The following CACNA1B variants were observed in gnomAD, a reference collection of about 807,000 sequenced individuals.
CACNA1B encodes voltage-dependent N-type calcium channel subunit alpha-1B.
In CACNA1B, 70 loss-of-function variants were observed where a neutral mutation model predicts 247.2. The observed-to-expected ratio is 0.28, with a 90% CI of 0.23 to 0.35. CACNA1B has a LOEUF of 0.35. CACNA1B is among the 10% of genes least tolerant of loss of function. CACNA1B has a pLI of 1.00. For missense variants in CACNA1B, 2,367 were observed against 3,197.4 expected, an observed-to-expected ratio of 0.74 and a Z score of 6.26; for synonymous variants, 1,231 against 1,294.4, an observed-to-expected ratio of 0.95 and a Z score of 1.05.
chr9:137,964,454 G>GCT (rs1958053431), intron 10 of CACNA1B, among the ~76,000 whole-genome samples: 1 of 152,044 alleles, frequency 6.6e-6, no homozygotes, highest in Admixed American at 6.6e-5. Flanking sequence ...TTCCAGCTCT[G>GCT]AGATTCTTTC....
rs751233267 is a variant in CACNA1B at position 138,120,277 on chromosome 9, C to T, written c.6143C>T (p.Ser2048Leu). 9.5e-6 allele frequency: 15 copies of T among 1,584,504 alleles called. No individual in the cohort carries two copies. The highest frequency in any genetic ancestry group is 2.3e-5 in the East Asian group (1 of 42,970). The change falls in exon 45 of 47, where the codon TCG becomes TTG. Residue 2048 changes from serine (S) to leucine (L), a missense_variant. By Grantham distance (145) the Ser-to-Leu change is moderately radical. Around this residue, in one of 12 missense-constraint regions of CACNA1B, gnomAD observed 773 missense variants for 779.4 expected, o/e 0.99. Transcript: ENST00000371372. ...TPDRPPPSQASSHHHHHRCHR... is the reference protein window; with the variant it reads ...TPDRPPPSQALSHHHHHRCHR... The stretch of plus-strand genomic sequence containing the variant: ...GACCGCCCACCCCCTAGCCAGGCGT[C>T]GTCGCACCACCACCACCACCGCTGC...
intron 10 of CACNA1B, among the ~76,000 whole-genome samples, chr9:137,970,220 G>A (rs748332544): frequency 3.9e-5 from 6 of 152,256 alleles, no homozygotes; most frequent in Non-Finnish European, 8.8e-5. Flanking sequence ...CCATGCTCAA[G>A]CCCAGGTATT....
At chr9:137,893,372 T>C (rs78729875) in intron 3 of CACNA1B, among the ~76,000 whole-genome samples, 1,963 of 142,294 alleles carry the variant, frequency 0.014, 29 homozygotes, top group African/African-American at 0.032. Context: ...AAAAAAACAC[T>C]GGGTGCGGTG....
At chr9:138,037,734 A>G (rs924146537) in intron 20 of CACNA1B, among the ~76,000 whole-genome samples, 3 of 151,972 alleles carry the variant, frequency 2.0e-5, no homozygotes, top group African/African-American at 4.8e-5. Flanking sequence ...GTGGTGGTGT[A>G]CACTTCCTGC....
intron 18 of CACNA1B, among the ~76,000 whole-genome samples, chr9:138,016,805 G>A (rs1351499708): frequency 1.3e-5 from 2 of 152,212 alleles, no homozygotes; most frequent in African/African-American, 4.8e-5. Flanking sequence ...CAGGAAAATC[G>A]GTGTTGGGTC....
At chr9:137,941,685 AAATAAACCCAAATACTTACAGC>A (rs1022660837) in intron 6 of CACNA1B, among the ~76,000 whole-genome samples, 5 of 152,178 alleles carry the variant, frequency 3.3e-5, no homozygotes, top group Non-Finnish European at 7.3e-5. Context: ...GAGAACCCAG[AAATAAACCCAAATACTTACAGC>A]AAGCAAAAAG....
chr9:137,917,530 C>A lies in CACNA1B; in HGVS notation c.966+99C>A. ...TAGGGGGGCCCTTCTGACCTCAGAGCCTCTGCCCAGCCCTAGGCTCCTCCC... is the reference window on the plus strand; with the variant it reads ...TAGGGGGGCCCTTCTGACCTCAGAGACTCTGCCCAGCCCTAGGCTCCTCCC... On this transcript the variant is annotated intron_variant, in intron 6 of 46. Coordinates refer to ENST00000371372, the MANE Select transcript of CACNA1B (RefSeq NM_000718.4). The surrounding 1 kb of genome is among the most constrained non-coding windows in gnomAD (Gnocchi z 5.5). 1 of 1,053,576 alleles carries A rather than the reference C, an allele frequency of 9.5e-7. No individual in the cohort carries two copies. Among genetic ancestry groups the A allele is most frequent in the Non-Finnish European group, 1.4e-6 (1 of 709,868 alleles). 65.3% of individuals were successfully genotyped at this position (1,053,576 alleles called of 1,614,324 possible).
Position 137,986,909 on chromosome 9 carries a change from T to A in CACNA1B, c.1974+55T>A. ...CTGCCCGGCTCCCGTCTCCCCTGGG[T>A]GCTGGGAAGGCGGACTCTCCTGTCA... On this transcript the variant is annotated intron_variant, in intron 15 of 46. Coordinates refer to ENST00000371372, the MANE Select transcript of CACNA1B (RefSeq NM_000718.4). This position sits in a 1 kb window ranked among gnomAD's most constrained non-coding sequence, Gnocchi z 6.0. The A allele has an allele frequency of 7.5e-7, 1 of 1,336,414 alleles. No homozygotes were observed. The highest frequency in any genetic ancestry group is 1.1e-6 in the Non-Finnish European group (1 of 928,746). The allele number at this position is 1,336,414 out of a possible 1,614,324, so 82.8% of individuals were successfully genotyped here. A position where few individuals can be genotyped will look rare whatever the true frequency, so the allele number is the denominator to read the frequency against.
chr9:137,921,942 G>A (rs1293219666), intron 6 of CACNA1B, among the ~76,000 whole-genome samples: 18 of 138,880 alleles, frequency 1.3e-4, no homozygotes, highest in Middle Eastern at 9.8e-3. Context: ...CACCACGACC[G>A]CACAGCATCC....
chr9:138,046,589 A>G (rs1015335985), intron 21 of CACNA1B, among the ~76,000 whole-genome samples: 6 of 152,128 alleles, frequency 3.9e-5, no homozygotes, highest in African/African-American at 1.2e-4. Flanking sequence ...ATGTAGCTGT[A>G]CTCCAGTGAA....
chr9:138,017,922 T>C (rs995991527), intron 18 of CACNA1B, among the ~76,000 whole-genome samples: 1 of 121,612 alleles, frequency 8.2e-6, no homozygotes, highest in African/African-American at 3.9e-5. Flanking sequence ...CCACCTGCCC[T>C]GATGGAAGTG....
chr9:137,949,001 GTGTA>G (rs1378213627), intron 6 of CACNA1B, among the ~76,000 whole-genome samples: 1 of 144,612 alleles, frequency 6.9e-6, no homozygotes, highest in African/African-American at 2.6e-5. Context: ...TGTTTGGTGT[GTGTA>G]TGTGTGTTTT....
In CACNA1B at chr9:138,002,053, A is replaced by G. The variant is rs116800214; in HGVS notation, c.1975-4714A>G. Reference sequence around the variant, plus strand: ...TCTTGGAATTCAGCATATTGATTATATGGAAGAGTAAAAGTCCAAGAAAAG... The same window carrying G: ...TCTTGGAATTCAGCATATTGATTATGTGGAAGAGTAAAAGTCCAAGAAAAG... On this transcript the variant is annotated intron_variant, in intron 15 of 46. Coordinates refer to ENST00000371372, the MANE Select transcript of CACNA1B (RefSeq NM_000718.4). Among the ~76,000 whole-genome samples, 723 of 152,366 alleles carry G rather than the reference A, an allele frequency of 4.7e-3. 5 individuals are homozygous for G. The highest frequency in any genetic ancestry group is 0.016 in the African/African-American group (685 of 41,586).
intron 31 of CACNA1B, among the ~76,000 whole-genome samples, chr9:138,061,941 A>G (rs947357029): frequency 3.9e-5 from 6 of 152,194 alleles, no homozygotes; most frequent in African/African-American, 1.4e-4. Flanking sequence ...CACGATGGTC[A>G]CCCTATCCAG....
chr9:138,120,570 CG>C, intron 45 of CACNA1B, 60 bp from the exon 46 acceptor site: 3 of 1,456,588 alleles, frequency 2.1e-6, no homozygotes, highest in Non-Finnish European at 1.8e-6. Context: ...CTGCTGGGCC[CG>C]GGGGTCAGGG....
chr9:138,061,538 T>C (rs1332913164), intron 31 of CACNA1B, among the ~76,000 whole-genome samples: 1 of 152,216 alleles, frequency 6.6e-6, no homozygotes, highest in East Asian at 1.9e-4. Flanking sequence ...ATTTTATCTC[T>C]GCCTTTAAGG....
chr9:138,013,798 C>T (rs993970879), intron 18 of CACNA1B, among the ~76,000 whole-genome samples: 3 of 152,192 alleles, frequency 2.0e-5, no homozygotes, highest in Non-Finnish European at 2.9e-5. Flanking sequence ...AGCCCAGGGC[C>T]AAAGGCTGCA....
At chr9:138,046,817 TC>T in intron 21 of CACNA1B, 86 bp from the exon 22 acceptor site, 1 of 1,328,206 alleles carries the variant, frequency 7.5e-7, no homozygotes, top group Non-Finnish European at 1.0e-6. Context: ...CAGAGCCCTT[TC>T]TGCGGGACGG....
At position 138,003,778 on chromosome 9, in the gene CACNA1B, C is replaced by CTT. The variant is rs11305081; in HGVS notation, c.1975-2966_1975-2965dup. ...GAAATGATCAAACTCACGGGCTTGC[C>CTT]TTTTTTTTTTTTTTTTTTTTTTTTG... is the stretch of plus-strand genomic sequence containing the variant. On this transcript the variant is annotated intron_variant, in intron 15 of 46. Coordinates refer to ENST00000371372, the MANE Select transcript of CACNA1B (RefSeq NM_000718.4). Among the ~76,000 whole-genome samples, 322 of 86,754 alleles carry CTT rather than the reference C, an allele frequency of 3.7e-3. 2 individuals carry two copies. The highest frequency in any genetic ancestry group is 8.7e-3 in the African/African-American group (156 of 17,914). The allele number at this position is 86,754 out of a possible 152,430, so 56.9% of individuals were successfully genotyped here.
Sources: allele counts gnomAD v4.1 joint callset (sites outside exome capture counted in the v4.1 genomes callset), GRCh38; gene constraint gnomAD v4.1.1; regional missense constraint gnomAD v4.1.1; non-coding constraint Gnocchi (gnomAD v3.1); transcripts MANE v1.5; gene names NCBI Gene and HGNC (gene_info 2026-07-23, HGNC 2026-07-21).